Variants in PTPRD observed in about 807,000 individuals in gnomAD.
PTPRD encodes protein tyrosine phosphatase receptor type D.
A neutral mutation model predicts 214.5 loss-of-function variants in PTPRD; 34 were observed. That is an observed-to-expected ratio of 0.16 (90% CI 0.12 to 0.21). The LOEUF is 0.21. Ranked by LOEUF, PTPRD falls within the 10% of genes least tolerant of loss-of-function variation. The pLI, the probability that PTPRD is intolerant of heterozygous loss-of-function variation, is 1.00. For synonymous variants in PTPRD, 1,128 were observed against 845.7 expected (o/e 1.33, Z -5.79); for missense variants, 2,545 against 2,398.7 (o/e 1.06, Z -1.27).
At position 8,517,942 on chromosome 9, in the gene PTPRD, C is replaced by T. The variant is rs764069408; in HGVS notation, c.1449G>A (p.Val483=). The change falls in exon 21 of 46, where the codon GTG becomes GTA. Residue 483 remains valine (V), a synonymous_variant. Coordinates refer to ENST00000381196, the MANE Select transcript of PTPRD (RefSeq NM_002839.4). ...CTTTGACAGAATATGTTTTCTGGGG[C>T]ACTAAGTTGCCAATAGTAGTGATTT... ...DSQITTIGNL[V]PQKTYSVKVL... is the part of the protein sequence containing the mutation. 6.6e-5 allele frequency: 107 copies of T among 1,614,030 alleles called. No homozygotes were observed. The highest frequency in any genetic ancestry group is 8.7e-5 in the Non-Finnish European group (103 of 1,180,028).
intron 10 of PTPRD, among the ~76,000 whole-genome samples, chr9:9,069,881 T>A (rs910226686): frequency 6.6e-6 from 1 of 152,198 alleles, no homozygotes; most frequent in Non-Finnish European, 1.5e-5. Context: ...TATTGTGTAA[T>A]GTTAGCTTGA....
At chr9:10,487,966 GTCTCTCTCTCTCTCTCTCTC>G (rs56372955) in intron 2 of PTPRD, among the ~76,000 whole-genome samples, 1 of 110,320 alleles carries the variant, frequency 9.1e-6, no homozygotes, top group Admixed American at 9.5e-5. Flanking sequence ...AATGAACACA[GTCTCTCTCTCTCTCTCTCTC>G]TCTCTCTCTC....
At chr9:9,486,185 A>AAAAAT (rs2095628114) in intron 8 of PTPRD, among the ~76,000 whole-genome samples, 1 of 136,178 alleles carries the variant, frequency 7.3e-6, no homozygotes, top group African/African-American at 2.8e-5. Context: ...AAAAAAAAAA[A>AAAAAT]GCCTTCCCTT....
At chr9:9,566,956 C>T (rs79549765) in intron 8 of PTPRD, among the ~76,000 whole-genome samples, 2 of 151,968 alleles carry the variant, frequency 1.3e-5, no homozygotes, top group Non-Finnish European at 2.9e-5. Context: ...ATTACAGAGT[C>T]AAATACTAAG....
intron 9 of PTPRD, among the ~76,000 whole-genome samples, chr9:9,308,392 T>TA (rs1208552673): frequency 6.6e-6 from 1 of 152,208 alleles, no homozygotes; most frequent in Non-Finnish European, 1.5e-5. Flanking sequence ...GTTAAACATA[T>TA]ACTATAATGG....
At chr9:8,667,891 A>C (rs546509157) in intron 12 of PTPRD, among the ~76,000 whole-genome samples, 2 of 152,314 alleles carry the variant, frequency 1.3e-5, no homozygotes, top group South Asian at 4.1e-4. Context: ...CAGTAAGAAA[A>C]TTAAGAAAAT....
chr9:8,417,374 T>A (rs1179757702), intron 35 of PTPRD, among the ~76,000 whole-genome samples: 1 of 152,160 alleles, frequency 6.6e-6, no homozygotes, highest in Non-Finnish European at 1.5e-5. Context: ...GCACATTCAT[T>A]CCTTAGAACT....
chr9:9,185,808 C>A (rs1462292824), intron 9 of PTPRD, among the ~76,000 whole-genome samples: 2 of 151,706 alleles, frequency 1.3e-5, no homozygotes, highest in African/African-American at 2.4e-5. Context: ...GGCAAACATG[C>A]GTTGGATTTA....
intron 12 of PTPRD, among the ~76,000 whole-genome samples, chr9:8,696,392 T>G (rs1255858755): frequency 6.6e-6 from 1 of 152,222 alleles, no homozygotes; most frequent in Admixed American, 6.5e-5. Flanking sequence ...TGCACTAAAC[T>G]CTACATTAAA....
chr9:9,160,742 C>A (rs1240986036), intron 10 of PTPRD, among the ~76,000 whole-genome samples: 1 of 152,118 alleles, frequency 6.6e-6, no homozygotes, highest in African/African-American at 2.4e-5. Flanking sequence ...ATGTGCATTG[C>A]AGCATTATTC....
rs2154327788 is a variant in PTPRD, at chr9:8,636,689, G to C, written c.210+10C>G. 1.2e-6 allele frequency: 2 copies of C among 1,613,602 alleles called. No homozygotes were observed. Among genetic ancestry groups the C allele is most frequent in the Non-Finnish European group, 1.7e-6 (2 of 1,179,616 alleles). ...CTTCCCCCAGAGAAACAGAACAATG[G>C]ACCTAATACCTCAAATCTCTGATTG... On this transcript the variant is annotated intron_variant, in intron 13 of 45. Transcript: ENST00000381196.
intron 9 of PTPRD, among the ~76,000 whole-genome samples, chr9:9,245,860 C>G (rs1163541245): frequency 6.6e-6 from 1 of 152,012 alleles, no homozygotes; most frequent in Non-Finnish European, 1.5e-5. Flanking sequence ...TAAATTTTCT[C>G]ACATATATAG....
At chr9:9,947,424 A>T (rs13299461) in intron 4 of PTPRD, among the ~76,000 whole-genome samples, 3 of 32,810 alleles carry the variant, frequency 9.1e-5, no homozygotes, top group African/African-American at 5.6e-4. Flanking sequence ...TTATATATAT[A>T]TTATATATAT....
chr9:8,954,578 A>G (rs909162020), intron 11 of PTPRD, among the ~76,000 whole-genome samples: 1 of 151,918 alleles, frequency 6.6e-6, no homozygotes, highest in African/African-American at 2.4e-5. Flanking sequence ...AGCAAAAACA[A>G]AAAACCACTC....
intron 4 of PTPRD, 84 bp downstream of exon 4, chr9:10,033,634 T>C (rs1203078312): frequency 3.3e-5 from 5 of 152,104 alleles, no homozygotes; most frequent in Admixed American, 1.3e-4. Context: ...ATCTTTTGAA[T>C]CATGCTAGTT....
chr9:8,915,377 A>T (rs1364281283), intron 11 of PTPRD, among the ~76,000 whole-genome samples: 1 of 152,138 alleles, frequency 6.6e-6, no homozygotes, highest in Non-Finnish European at 1.5e-5. Flanking sequence ...AATTTAGGTG[A>T]TGTGATTTAC....
At chr9:9,183,247 G>A (rs1451939271) in intron 10 of PTPRD, 57 bp downstream of exon 10, 1 of 151,948 alleles carries the variant, frequency 6.6e-6, no homozygotes, top group Admixed American at 6.6e-5. Context: ...ATCAGTTACT[G>A]TATTAAGTAT....
chr9:9,927,608 G>A (rs1428241966), intron 5 of PTPRD, among the ~76,000 whole-genome samples: 3 of 152,070 alleles, frequency 2.0e-5, no homozygotes, highest in African/African-American at 4.8e-5. Flanking sequence ...AAAGGAATGC[G>A]TGTGTGTACA....
At position 8,600,497 on chromosome 9, in the gene PTPRD, G is replaced by C. The variant is rs1282619762; in HGVS notation, c.352+32820C>G. Reference sequence around the variant, plus strand: ...GGCAGCAAAGCTCACAGCTCTAAAAGACACCCTTTCCTTCTGCTTGAGAAT... The same window carrying C: ...GGCAGCAAAGCTCACAGCTCTAAAACACACCCTTTCCTTCTGCTTGAGAAT... On this transcript the variant is annotated intron_variant, in intron 14 of 45. Transcript: ENST00000381196. Among the ~76,000 whole-genome samples the C allele has an allele frequency of 3.3e-5, 5 of 151,746 alleles. No individual in the cohort carries two copies. The East Asian group carries it at 9.8e-4, about 30-fold the overall frequency.
Sources: allele counts gnomAD v4.1 joint callset (sites outside exome capture counted in the v4.1 genomes callset), GRCh38; gene constraint gnomAD v4.1.1; transcripts MANE v1.5; gene names NCBI Gene and HGNC (gene_info 2026-07-23, HGNC 2026-07-21).